The following NFATC2 variants were observed in gnomAD, a reference collection of about 807,000 sequenced individuals.
NFATC2 encodes nuclear factor of activated T-cells, cytoplasmic 2.
NFATC2 carries 22 observed loss-of-function variants against 87.3 expected under a neutral mutation model. The ratio of observed to expected loss-of-function variants is 0.25; its 90% CI spans 0.18 to 0.36. NFATC2 has a LOEUF of 0.36. Among genes scored for constraint, NFATC2 ranks in the 10% least tolerant of loss-of-function variants. NFATC2 has a pLI of 1.00. For missense variants in NFATC2, 1,149 were observed against 1,259.1 expected (o/e 0.91, Z 1.32); for synonymous variants, 565 against 542.2 (o/e 1.04, Z -0.58).
At chr20:51,482,390 C>T (rs564582630) in intron 3 of NFATC2, among the ~76,000 whole-genome samples, 45 of 151,496 alleles carry the variant, frequency 3.0e-4, no homozygotes, top group Middle Eastern at 3.4e-3. Context: ...GTGTAAAGTA[C>T]TAAGAGCTCA....
chr20:51,541,849 G>A (rs1033056424), intron 1 of NFATC2, among the ~76,000 whole-genome samples: 1 of 152,204 alleles, frequency 6.6e-6, no homozygotes, highest in African/African-American at 2.4e-5. Context: ...ACTGCTCACA[G>A]GAGGTGATGG....
chr20:51,557,661 G>A (rs1391233128), intron 1 of NFATC2, among the ~76,000 whole-genome samples: 1 of 152,202 alleles, frequency 6.6e-6, no homozygotes, highest in Non-Finnish European at 1.5e-5. Flanking sequence ...GGAAGCAGAA[G>A]AGAGTGAGAC....
At chr20:51,518,249 A>G (rs1203122695) in intron 2 of NFATC2, among the ~76,000 whole-genome samples, 1 of 152,188 alleles carries the variant, frequency 6.6e-6, no homozygotes, top group Non-Finnish European at 1.5e-5. Context: ...CCATGTCCTG[A>G]GTTTTCACAT....
chr20:51,441,581 G>C (rs1431033674), intron 6 of NFATC2, among the ~76,000 whole-genome samples: 1 of 151,680 alleles, frequency 6.6e-6, no homozygotes, highest in Non-Finnish European at 1.5e-5. Flanking sequence ...GCTGGGCGTG[G>C]TAGTGGGCGC....
upstream of NFATC2, chr20:51,562,720 T>A: frequency 8.2e-7 from 1 of 1,220,428 alleles, no homozygotes; most frequent in Non-Finnish European, 1.2e-6. The surrounding 1 kb of genome is among the most constrained non-coding windows in gnomAD (Gnocchi z 5.8). Context: ...CTCTACCGCG[T>A]GCCCGCGGGG....
At chr20:51,532,641 C>T (rs1035982509) in intron 1 of NFATC2, among the ~76,000 whole-genome samples, 8 of 152,372 alleles carry the variant, frequency 5.3e-5, no homozygotes, top group South Asian at 2.1e-4. Context: ...CCCTCGCAGA[C>T]GGACACACAG....
intron 5 of NFATC2, among the ~76,000 whole-genome samples, 157 bp from the exon 6 acceptor site, chr20:51,454,845 C>T (rs1439934471): frequency 6.6e-6 from 1 of 152,214 alleles, no homozygotes; most frequent in Non-Finnish European, 1.5e-5. Flanking sequence ...CAATCAATGA[C>T]GTACAAATGT....
intron 7 of NFATC2, 116 bp from the exon 8 acceptor site, chr20:51,435,430 G>C (rs1027873052): frequency 7.1e-7 from 1 of 1,408,944 alleles, no homozygotes. Flanking sequence ...GCCTTTCATC[G>C]GTTTACAGGG....
chr20:51,434,355 G>A (rs372609582), intron 8 of NFATC2, among the ~76,000 whole-genome samples: 7 of 152,300 alleles, frequency 4.6e-5, no homozygotes, highest in East Asian at 1.9e-4. Context: ...TGATTGTCTC[G>A]AATTATAGGT....
chr20:51,459,981 C>T (rs228841), intron 5 of NFATC2, among the ~76,000 whole-genome samples: 136,276 of 152,258 alleles, frequency 0.9, 61,112 homozygotes, highest in East Asian at 0.96. Context: ...TACTGAATTG[C>T]ATACTTGAAA....
rs1202059155 is a variant in NFATC2, at chr20:51,402,661, CATTTCTTTTAAGACATTTGAGTA to C, written c.2723-3954_2723-3932del. On this transcript the variant is annotated intron_variant, in intron 9 of 10. Coordinates refer to ENST00000371564, the MANE Select transcript of NFATC2 (RefSeq NM_012340.5). ...CTGGGGGTTAGAGGAATTAACCAAA[CATTTCTTTTAAGACATTTGAGTA>C]TATGCCTCTTTGCTTATCCAAGAGA... Among the ~76,000 whole-genome samples the C allele has an allele frequency of 3.3e-5, 5 of 152,336 alleles. No individual in the cohort carries two copies. In the East Asian group the frequency reaches 9.6e-4, roughly 29 times the overall value.
rs866852061 is a variant in NFATC2 at position 51,431,508 on chromosome 20, C to A, written c.2722+559G>T. Among the ~76,000 whole-genome samples the A allele has an allele frequency of 5.9e-5, 9 of 152,212 alleles. No homozygotes were observed. The South Asian group carries it at 1.9e-3, about 32-fold the overall frequency. ...CAGCGGAAGCCCACTGCTTCCTTCCCATCAATGCGCATCTCTGTTCCACGA... is the reference window on the plus strand; with the variant it reads ...CAGCGGAAGCCCACTGCTTCCTTCCAATCAATGCGCATCTCTGTTCCACGA... On this transcript the variant is annotated intron_variant, in intron 9 of 10. Coordinates refer to ENST00000371564, the MANE Select transcript of NFATC2 (RefSeq NM_012340.5).
chr20:51,535,096 C>T (rs1568740671), intron 1 of NFATC2, among the ~76,000 whole-genome samples: 1 of 152,186 alleles, frequency 6.6e-6, no homozygotes, highest in Non-Finnish European at 1.5e-5. Context: ...TGACAGAGAA[C>T]AGACCTCAGA....
In NFATC2 at chr20:51,523,440, G is replaced by A; in HGVS notation, c.801C>T (p.Ala267=). 1 of 1,608,750 alleles carries A rather than the reference G, an allele frequency of 6.2e-7. No homozygotes were observed. The highest frequency in any genetic ancestry group is 8.5e-7 in the Non-Finnish European group (1 of 1,177,464). Residue 267 remains alanine, a synonymous_variant, in exon 2 of 11, where the codon GCC becomes GCT. Transcript: ENST00000371564. The surrounding 1 kb of genome is among the most constrained non-coding windows in gnomAD (Gnocchi z 6.9). ...AGGGGCTCCGGGAGCGCTGGGGTGAGGCTCCGGGCGGCAGGGCAACCAAGG... is the reference window on the plus strand; with the variant it reads ...AGGGGCTCCGGGAGCGCTGGGGTGAAGCTCCGGGCGGCAGGGCAACCAAGG... ...AEALVALPPG[A]SPQRSRSPSP... is the part of the protein sequence containing the mutation.
chr20:51,442,894 G>A (rs1348122024), intron 6 of NFATC2, among the ~76,000 whole-genome samples: 3 of 151,986 alleles, frequency 2.0e-5, no homozygotes, highest in African/African-American at 7.2e-5. Context: ...GCCCTCCGGG[G>A]CCCCCAAACA....
intron 6 of NFATC2, among the ~76,000 whole-genome samples, chr20:51,440,126 A>G (rs761907295): frequency 6.6e-6 from 1 of 150,940 alleles, no homozygotes; most frequent in Non-Finnish European, 1.5e-5. Context: ...AATCCCAGCT[A>G]CTTGGGGAGC....
intron 6 of NFATC2, among the ~76,000 whole-genome samples, chr20:51,450,990 C>A (rs1371594267): frequency 6.6e-6 from 1 of 152,216 alleles, no homozygotes; most frequent in Non-Finnish European, 1.5e-5. Context: ...TCCCAGAGTG[C>A]TTAAAAGCTG....
At position 51,512,778 on chromosome 20, in the gene NFATC2, G is replaced by A. The variant is rs141009923; in HGVS notation, c.1332+4006C>T. Among the ~76,000 whole-genome samples the A allele has an allele frequency of 2.8e-3, 431 of 152,314 alleles. 4 individuals are homozygous for A. Among genetic ancestry groups the A allele is most frequent in the African/African-American group, 9.6e-3 (397 of 41,564 alleles). On this transcript the variant is annotated intron_variant, in intron 3 of 10. Coordinates refer to ENST00000371564, the MANE Select transcript of NFATC2 (RefSeq NM_012340.5). ...TAAAAGAGAGAAGGGTGGAGACTGA[G>A]TAACTGAGAGGGGAGAAGAGGCTGT...
intron 6 of NFATC2, among the ~76,000 whole-genome samples, chr20:51,447,187 G>A (rs1486922822): frequency 6.6e-6 from 1 of 152,160 alleles, no homozygotes; most frequent in Non-Finnish European, 1.5e-5. Context: ...CTCATGTCAG[G>A]ATATGATGAC....
Sources: gnomAD v4.1 joint callset for allele counts (sites outside exome capture counted in the v4.1 genomes callset) on GRCh38, gnomAD v4.1.1 for gene constraint, Gnocchi (gnomAD v3.1) non-coding constraint, MANE v1.5 for transcripts, NCBI Gene and HGNC (gene_info 2026-07-23, HGNC 2026-07-21) for gene names.